The following TUT4 variants were observed in gnomAD, a reference collection of about 807,000 sequenced individuals.
The protein encoded by TUT4 is terminal uridylyltransferase 4.
In TUT4, 36 loss-of-function variants were observed where a neutral mutation model predicts 192.2. That is an observed-to-expected ratio of 0.19 (90% CI 0.14 to 0.25). The LOEUF (loss-of-function observed/expected upper bound fraction) is 0.25, where lower values mean the gene tolerates loss of function less well. TUT4 is among the 10% of genes least tolerant of loss of function. The pLI, the probability that TUT4 is intolerant of heterozygous loss-of-function variation, is 1.00. For missense variants in TUT4, 1,493 were observed against 1,957.2 expected (o/e 0.76, Z 4.47); for synonymous variants, 618 against 666.0 (o/e 0.93, Z 1.11).
At chr1:52,445,659 A>G (rs1465918329) in intron 24 of TUT4, 128 bp downstream of exon 24, 10 of 695,354 alleles carry the variant, frequency 1.4e-5, no homozygotes, top group Admixed American at 1.2e-4. Context: ...GATAAATGCA[A>G]TAAGAAAAAA....
intron 18 of TUT4, 104 bp downstream of exon 18, chr1:52,461,409 T>C: frequency 1.6e-6 from 2 of 1,252,750 alleles, no homozygotes; most frequent in Non-Finnish European, 2.2e-6. Flanking sequence ...AGTAAAATAC[T>C]TTTTCCTTAT....
chr1:52,489,024 C>T lies in TUT4; in HGVS notation c.1400G>A (p.Cys467Tyr). The change falls in exon 9 of 30, where the codon TGT becomes TAT. Residue 467 changes from cysteine to tyrosine, a missense_variant. Physicochemically the swap from Cys to Tyr is radical, Grantham distance 194. This residue lies in a region of TUT4 where 437 missense variants were observed against 577.6 expected (regional missense o/e 0.76). Coordinates refer to ENST00000257177, the MANE Select transcript of TUT4 (RefSeq NM_001009881.3). ...VCRDRKSGLL[C>Y]RVSAGNDMAC... Reference sequence around the variant, plus strand: ...CATATCGTTTCCTGCACTCACTCTACAAAGTAAACCACTGTGAATGAGAAA... The same window carrying T: ...CATATCGTTTCCTGCACTCACTCTATAAAGTAAACCACTGTGAATGAGAAA... 1 of 1,610,358 alleles carries T rather than the reference C, an allele frequency of 6.2e-7. No individual in the cohort carries two copies. Among genetic ancestry groups the T allele is most frequent in the Non-Finnish European group, 8.5e-7 (1 of 1,178,896 alleles).
chr1:52,477,416 T>TA (rs940375874), intron 12 of TUT4, among the ~76,000 whole-genome samples: 4 of 151,630 alleles, frequency 2.6e-5, no homozygotes, highest in South Asian at 2.1e-4. Context: ...CTACAAAAAA[T>TA]AAAAAAAATT....
chr1:52,453,366 G>C (rs1277491468), intron 20 of TUT4, among the ~76,000 whole-genome samples: 3 of 151,298 alleles, frequency 2.0e-5, no homozygotes, highest in Non-Finnish European at 4.4e-5. Flanking sequence ...TGGGTGACAA[G>C]AGCGAAACTC....
chr1:52,514,239 G>A (rs904581326), intron 3 of TUT4, among the ~76,000 whole-genome samples: 7 of 152,106 alleles, frequency 4.6e-5, no homozygotes, highest in East Asian at 3.9e-4. Context: ...TCAGGAGTTC[G>A]AGACCAAACT....
In TUT4 at chr1:52,443,983, A is replaced by G. The variant is rs571547498; in HGVS notation, c.3822+1804T>C. ...CCAAATGCGGTGGCTCATGCCTGCA[A>G]TCCCAGCACTTTGGGAGGCCAAGGC... On this transcript the variant is annotated intron_variant, in intron 24 of 29. Coordinates refer to ENST00000257177, the MANE Select transcript of TUT4 (RefSeq NM_001009881.3). Among the ~76,000 whole-genome samples, 5 of 152,346 alleles carry G rather than the reference A, an allele frequency of 3.3e-5. No individual in the cohort carries two copies. In the East Asian group the frequency reaches 9.6e-4, roughly 29 times the overall value.
At chr1:52,496,892 T>C in intron 5 of TUT4, 114 bp downstream of exon 5, 6 of 1,020,888 alleles carry the variant, frequency 5.9e-6, no homozygotes, top group Non-Finnish European at 8.2e-6. Flanking sequence ...CAATAAATTT[T>C]ATCTACTTTT....
chr1:52,467,476 C>T (rs1309504439), intron 15 of TUT4, among the ~76,000 whole-genome samples: 2 of 152,120 alleles, frequency 1.3e-5, no homozygotes, highest in African/African-American at 4.8e-5. Context: ...ATTGGTTCTA[C>T]CTTCAAAATA....
chr1:52,487,996 T>C (rs1481051744), intron 9 of TUT4, among the ~76,000 whole-genome samples: 1 of 152,110 alleles, frequency 6.6e-6, no homozygotes, highest in East Asian at 1.9e-4. Context: ...GAGTGAAGCA[T>C]TCTAAATACC....
intron 3 of TUT4, among the ~76,000 whole-genome samples, chr1:52,510,343 A>G (rs1386316906): frequency 6.7e-6 from 1 of 148,418 alleles, no homozygotes; most frequent in Non-Finnish European, 1.5e-5. Flanking sequence ...AAAAAAAAAG[A>G]AAAGTGGTCT....
chr1:52,450,086 C>G (rs1414071003), intron 20 of TUT4, among the ~76,000 whole-genome samples: 1 of 152,066 alleles, frequency 6.6e-6, no homozygotes, highest in Non-Finnish European at 1.5e-5. Context: ...AATCTTCTGC[C>G]TAGGACAGCT....
At chr1:52,549,439 G>T (rs1688859805) in intron 1 of TUT4, among the ~76,000 whole-genome samples, 1 of 151,864 alleles carries the variant, frequency 6.6e-6, no homozygotes, top group African/African-American at 2.4e-5. Context: ...CCAACCTCCA[G>T]TCCATCTTCC....
intron 26 of TUT4, 75 bp from the exon 27 acceptor site, chr1:52,435,540 C>T (rs764664108): frequency 3.4e-5 from 38 of 1,127,246 alleles, no homozygotes; most frequent in Non-Finnish European, 4.0e-5. Context: ...AAACTCCCTT[C>T]TTATGTAAAA....
At chr1:52,545,449 G>A (rs935715381) in intron 1 of TUT4, among the ~76,000 whole-genome samples, 10 of 150,660 alleles carry the variant, frequency 6.6e-5, no homozygotes, top group Non-Finnish European at 1.2e-4. Context: ...TATCTGATAA[G>A]GGACTAATAT....
At chr1:52,465,527 A>G (rs1301605422) in intron 15 of TUT4, among the ~76,000 whole-genome samples, 2 of 152,200 alleles carry the variant, frequency 1.3e-5, no homozygotes, top group Non-Finnish European at 2.9e-5. Flanking sequence ...TGCAATCCTT[A>G]ATATCTGTCT....
intron 9 of TUT4, among the ~76,000 whole-genome samples, chr1:52,485,611 A>G (rs754303663): frequency 6.6e-6 from 1 of 152,070 alleles, no homozygotes; most frequent in Non-Finnish European, 1.5e-5. Context: ...TTTTCATCAT[A>G]AACTTCCATT....
chr1:52,435,932 T>TCA (rs1159800717), intron 26 of TUT4, among the ~76,000 whole-genome samples: 71 of 150,976 alleles, frequency 4.7e-4, no homozygotes, highest in Admixed American at 3.8e-3. Context: ...TCTCTCTCTC[T>TCA]CACACACACA....
intron 3 of TUT4, among the ~76,000 whole-genome samples, chr1:52,510,317 CAAAAA>C (rs200690805): frequency 0.013 from 1,034 of 78,608 alleles, 8 homozygotes; most frequent in African/African-American, 0.044. Context: ...TTCGTATTAA[CAAAAA>C]AAAAAAAAAA....
chr1:52,530,965 T>A (rs953803339), intron 1 of TUT4, among the ~76,000 whole-genome samples: 1 of 152,038 alleles, frequency 6.6e-6, no homozygotes, highest in Non-Finnish European at 1.5e-5. Flanking sequence ...ATAGCACCAC[T>A]GCACTCCAGG....
Sources: gnomAD v4.1 joint callset for allele counts (sites outside exome capture counted in the v4.1 genomes callset) on GRCh38, gnomAD v4.1.1 for gene constraint, gnomAD v4.1.1 regional missense constraint, MANE v1.5 for transcripts, NCBI Gene and HGNC (gene_info 2026-07-23, HGNC 2026-07-21) for gene names.